CPD: variants seen among roughly 807,000 people sequenced by gnomAD.
CPD encodes the protein metallocarboxypeptidase D.
In CPD, 69 loss-of-function variants were observed where a neutral mutation model predicts 138.3. The observed-to-expected ratio is 0.50, with a 90% CI of 0.41 to 0.61. The LOEUF (loss-of-function observed/expected upper bound fraction) is 0.61. Ranked by LOEUF, CPD falls within the 20% of genes least tolerant of loss-of-function variation. The pLI is 0.00. For missense variants in CPD, 1,432 were observed against 1,733.3 expected (o/e 0.83, Z 3.09); for synonymous variants, 651 against 642.1 (o/e 1.01, Z -0.21).
At chr17:30,446,268 T>C (rs1386155934) in intron 12 of CPD, among the ~76,000 whole-genome samples, 1 of 152,186 alleles carries the variant, frequency 6.6e-6, no homozygotes, top group East Asian at 1.9e-4. Flanking sequence ...GTTGGTGTGC[T>C]GCACCCATTA....
At chr17:30,421,499 T>C (rs1265535660) in intron 3 of CPD, among the ~76,000 whole-genome samples, 165 bp from the exon 4 acceptor site, 1 of 152,238 alleles carries the variant, frequency 6.6e-6, no homozygotes. Flanking sequence ...AAGGATTTAA[T>C]ACTTCTGTCT....
intron 2 of CPD, among the ~76,000 whole-genome samples, chr17:30,412,208 G>A (rs1278423095): frequency 2.6e-5 from 4 of 152,174 alleles, no homozygotes; most frequent in African/African-American, 9.7e-5. Flanking sequence ...AGCAAATATT[G>A]CAGAACAGCA....
At position 30,438,991 on chromosome 17, in the gene CPD, T is replaced by A. The variant is rs1912777497; in HGVS notation, c.2144T>A (p.Phe715Tyr). 6.4e-7 allele frequency: 1 copy of A among 1,565,048 alleles called. No homozygotes were observed. The highest frequency in any genetic ancestry group is 2.2e-5 in the Admixed American group (1 of 46,102). Reference sequence around the variant, plus strand: ...TTTTTCCAGGAAAATTCCCAGATGTTTCAAGGTAGACCTTGCAAGAATATG... The same window carrying A: ...TTTTTCCAGGAAAATTCCCAGATGTATCAAGGTAGACCTTGCAAGAATATG... ...LSYSKENSQM[F>Y]QGRPCKNMYP... The change falls in exon 9 of 21, where the codon TTT becomes TAT. Residue 715 changes from phenylalanine (F) to tyrosine (Y), a missense_variant. Phe to Tyr is a conservative substitution (Grantham distance 22, BLOSUM62 3). Coordinates refer to ENST00000225719, the MANE Select transcript of CPD (RefSeq NM_001304.5).
chr17:30,390,331 T>C (rs1911320684), intron 2 of CPD, among the ~76,000 whole-genome samples: 1 of 152,208 alleles, frequency 6.6e-6, no homozygotes, highest in Admixed American at 6.5e-5. Context: ...ATTTTACTGA[T>C]GTTCTATGTG....
At chr17:30,426,767 T>C (rs377610623) in intron 6 of CPD, among the ~76,000 whole-genome samples, 1 of 152,182 alleles carries the variant, frequency 6.6e-6, no homozygotes, top group South Asian at 2.1e-4. Flanking sequence ...CAAAGGTGGT[T>C]TAGTTTTGGG....
At chr17:30,464,440 GCTT>G in intron 20 of CPD, 145 bp from the exon 21 acceptor site, 2 of 666,772 alleles carry the variant, frequency 3.0e-6, no homozygotes, top group Non-Finnish European at 5.1e-6. Flanking sequence ...TACATATACT[GCTT>G]CTATAATAAT....
intron 2 of CPD, among the ~76,000 whole-genome samples, chr17:30,407,706 C>T (rs1324909016): frequency 6.6e-6 from 1 of 151,954 alleles, no homozygotes; most frequent in African/African-American, 2.4e-5. Flanking sequence ...TTTATAGATT[C>T]TGGATATTAG....
intron 6 of CPD, among the ~76,000 whole-genome samples, chr17:30,427,046 A>G (rs546135110): frequency 5.3e-5 from 8 of 152,136 alleles, no homozygotes; most frequent in African/African-American, 1.9e-4. Flanking sequence ...GCTGGGCATG[A>G]TGGCAGGTGC....
intron 19 of CPD, 106 bp from the exon 20 acceptor site, chr17:30,462,264 G>A: frequency 9.4e-7 from 1 of 1,065,962 alleles, no homozygotes; most frequent in East Asian, 2.4e-5. Context: ...ACTTTAGATG[G>A]CAATGCATCA....
chr17:30,380,722 A>G (rs1316906122), intron 1 of CPD: 1 of 979,882 alleles, frequency 1.0e-6, no homozygotes, highest in African/African-American at 1.7e-5. Context: ...AACACGGACC[A>G]TCTCTGTGGA....
Position 30,469,026 on chromosome 17 carries a change from CCT to C in CPD, c.*4213_*4214del, listed in dbSNP as rs1463215744. 6.6e-6 allele frequency: 1 copy of C among 152,082 alleles called. No homozygotes were observed. The highest frequency in any genetic ancestry group is 1.9e-4 in the East Asian group (1 of 5,196). 9.4% of individuals were successfully genotyped at this position (152,082 alleles called of 1,614,324 possible). On this transcript the variant is annotated 3_prime_UTR_variant, in exon 21 of 21. Coordinates refer to ENST00000225719, the MANE Select transcript of CPD (RefSeq NM_001304.5). The stretch of plus-strand genomic sequence containing the variant: ...TAAACTTGTTCGTTAAAAATTTGGT[CCT>C]TTTTCCAGGTGAGGCCCAGTTAGAA...
At chr17:30,420,766 A>T (rs1912243416) in intron 2 of CPD, 75 bp from the exon 3 acceptor site, 1 of 1,360,084 alleles carries the variant, frequency 7.4e-7, no homozygotes, top group Admixed American at 2.1e-5. Flanking sequence ...GAGATGGCTG[A>T]TTTAATTTCT....
rs776574672 is a variant in CPD at position 30,379,015 on chromosome 17, G to T, written c.35G>T (p.Arg12Leu). 1.9e-6 allele frequency: 3 copies of T among 1,553,000 alleles called. No homozygotes were observed. The highest frequency in any genetic ancestry group is 2.8e-5 in the African/African-American group (2 of 70,316). The change falls in exon 1 of 21, where the codon CGG (arginine) becomes CTG (leucine). Residue 12 changes from arginine to leucine, a missense_variant. Arg to Leu is a moderately radical substitution (Grantham distance 102). Coordinates refer to ENST00000225719, the MANE Select transcript of CPD (RefSeq NM_001304.5). The surrounding 1 kb of genome is among the most constrained non-coding windows in gnomAD (Gnocchi z 7.0). ...GGCCGGGACGAGCGGCCGCCTTGGC[G>T]GCTAGGGCGGCTCCTGTTGCTCATG... ...ASGRDERPPW[R>L]LGRLLLLMCL...
chr17:30,380,566 T>TA (rs1325313635), intron 1 of CPD: 18 of 1,490,680 alleles, frequency 1.2e-5, no homozygotes, highest in African/African-American at 5.6e-5. Context: ...GCATGAGGTT[T>TA]AAAAAATTAC....
intron 18 of CPD, 127 bp downstream of exon 18, chr17:30,461,438 T>G: frequency 1.4e-6 from 1 of 693,868 alleles, no homozygotes; most frequent in Non-Finnish European, 2.0e-6. Context: ...AAGAAGAGTT[T>G]TGGTCATTTT....
At chr17:30,388,472 G>A (rs1266954895) in intron 2 of CPD, among the ~76,000 whole-genome samples, 3 of 152,190 alleles carry the variant, frequency 2.0e-5, no homozygotes, top group African/African-American at 7.2e-5. Context: ...CAGTCCGGTG[G>A]GGGCCCAGGC....
intron 2 of CPD, among the ~76,000 whole-genome samples, chr17:30,409,759 G>A (rs548027914): frequency 1.3e-3 from 200 of 151,508 alleles, no homozygotes; most frequent in Non-Finnish European, 2.2e-3. Flanking sequence ...TTCTTTATTA[G>A]TCTTGCTAGC....
intron 7 of CPD, among the ~76,000 whole-genome samples, chr17:30,430,360 A>G (rs1912529811): frequency 6.6e-6 from 1 of 152,106 alleles, no homozygotes; most frequent in Admixed American, 6.6e-5. Context: ...CCTATTCTGG[A>G]TATTTCATAG....
chr17:30,407,378 G>C (rs1382401172), intron 2 of CPD, among the ~76,000 whole-genome samples: 1 of 152,164 alleles, frequency 6.6e-6, no homozygotes, highest in Non-Finnish European at 1.5e-5. Flanking sequence ...CTAGATCCTT[G>C]AGGAATCGCC....
Sources: gnomAD v4.1 joint callset for allele counts (sites outside exome capture counted in the v4.1 genomes callset) on GRCh38, gnomAD v4.1.1 for gene constraint, Gnocchi (gnomAD v3.1) non-coding constraint, MANE v1.5 for transcripts, NCBI Gene and HGNC (gene_info 2026-07-23, HGNC 2026-07-21) for gene names.